Variants in KCNJ6 observed in about 807,000 individuals in gnomAD.
KCNJ6 encodes the protein G protein-activated inward rectifier potassium channel 2.
KCNJ6 carries 9 observed loss-of-function variants against 34.2 expected under a neutral mutation model. That is an observed-to-expected ratio of 0.26 (90% CI 0.16 to 0.46). The LOEUF is 0.46. KCNJ6 is among the 20% of genes least tolerant of loss of function. KCNJ6 has a pLI of 1.00. For missense variants in KCNJ6, 236 were observed against 531.3 expected (o/e 0.44, Z 5.46); for synonymous variants, 196 against 207.1 (o/e 0.95, Z 0.46).
chr21:37,740,515 G>C (rs57543347), intron 2 of KCNJ6, among the ~76,000 whole-genome samples: 11,308 of 152,158 alleles, frequency 0.074, 877 homozygotes, highest in African/African-American at 0.2. Flanking sequence ...CCCCTCCTTT[G>C]AGTTGTCCCG....
In KCNJ6 at chr21:37,619,060, G is replaced by A. The variant is rs1250275047; in HGVS notation, c.*6099C>T. On this transcript the variant is annotated 3_prime_UTR_variant, in exon 4 of 4. Coordinates refer to ENST00000609713, the MANE Select transcript of KCNJ6 (RefSeq NM_002240.5). ...AGATACCATTACCTACTTAGTTTCA[G>A]ACGCAGGATCAAATCCATCCTTTAT... 1 of 152,182 alleles carries A rather than the reference G, an allele frequency of 6.6e-6. No homozygotes were observed. The allele number at this position is 152,182 out of a possible 1,614,324, so 9.4% of individuals were successfully genotyped here. A position where few individuals can be genotyped will look rare whatever the true frequency, so the allele number is the denominator to read the frequency against.
At chr21:37,744,558 C>T (rs1264300342) in intron 2 of KCNJ6, among the ~76,000 whole-genome samples, 3 of 152,180 alleles carry the variant, frequency 2.0e-5, no homozygotes, top group Non-Finnish European at 4.4e-5. Context: ...ATTCCACAGC[C>T]TGTCCCCAAA....
chr21:37,655,606 A>G (rs918524355), intron 3 of KCNJ6, among the ~76,000 whole-genome samples: 8 of 152,168 alleles, frequency 5.3e-5, no homozygotes, highest in Non-Finnish European at 1.0e-4. Flanking sequence ...ATTCTTTGCA[A>G]AGTGAAAAGT....
intron 3 of KCNJ6, among the ~76,000 whole-genome samples, chr21:37,671,417 C>T (rs2054541808): frequency 6.6e-6 from 1 of 152,248 alleles, no homozygotes; most frequent in African/African-American, 2.4e-5. Context: ...TTCTCCCACA[C>T]TTTGCCCTGT....
At chr21:37,651,527 A>T (rs1301897880) in intron 3 of KCNJ6, among the ~76,000 whole-genome samples, 2 of 152,106 alleles carry the variant, frequency 1.3e-5, no homozygotes, top group Non-Finnish European at 2.9e-5. Flanking sequence ...TGGCGGGTAG[A>T]TTGGAGTGGT....
intron 2 of KCNJ6, among the ~76,000 whole-genome samples, chr21:37,794,905 T>C (rs1314065779): frequency 1.4e-5 from 2 of 146,524 alleles, no homozygotes; most frequent in South Asian, 2.2e-4. Context: ...AGAAAAAAAA[T>C]AGAAAAAGAA....
At chr21:37,657,799 G>A (rs963005952) in intron 3 of KCNJ6, among the ~76,000 whole-genome samples, 1 of 152,240 alleles carries the variant, frequency 6.6e-6, no homozygotes, top group African/African-American at 2.4e-5. Context: ...ACCCGCCCAG[G>A]CCACCCTCTG....
At chr21:37,672,722 CTCTT>C (rs1246424154) in intron 3 of KCNJ6, among the ~76,000 whole-genome samples, 1 of 152,044 alleles carries the variant, frequency 6.6e-6, no homozygotes, top group Non-Finnish European at 1.5e-5. Flanking sequence ...AGGTTTTTCT[CTCTT>C]TCTCTTTTTC....
chr21:37,900,698 G>A (rs1241318017), intron 1 of KCNJ6, among the ~76,000 whole-genome samples: 1 of 152,120 alleles, frequency 6.6e-6, no homozygotes, highest in Non-Finnish European at 1.5e-5. Context: ...CTGGGGAAAG[G>A]ACATCCAAGG....
At chr21:37,803,523 G>A (rs1312163687) in intron 2 of KCNJ6, among the ~76,000 whole-genome samples, 3 of 152,122 alleles carry the variant, frequency 2.0e-5, no homozygotes, top group Non-Finnish European at 4.4e-5. Flanking sequence ...TGGCTTAAAA[G>A]TCTCTTCTTA....
chr21:37,874,900 CCTCT>C (rs913418661), intron 1 of KCNJ6, among the ~76,000 whole-genome samples: 2 of 152,204 alleles, frequency 1.3e-5, no homozygotes, highest in African/African-American at 4.8e-5. Context: ...ACCTGACTGG[CCTCT>C]CTGTGTCCAC....
intron 2 of KCNJ6, among the ~76,000 whole-genome samples, chr21:37,756,510 C>G (rs528914496): frequency 6.6e-6 from 1 of 152,352 alleles, no homozygotes; most frequent in South Asian, 2.1e-4. Context: ...ATGCTGGTCT[C>G]CACCCTGGCC....
intron 2 of KCNJ6, among the ~76,000 whole-genome samples, chr21:37,818,203 T>TGC (rs1555847079): frequency 6.7e-5 from 5 of 74,870 alleles, no homozygotes; most frequent in East Asian, 6.4e-4. Context: ...CGTGTGTGTG[T>TGC]GTGCGTGCGT....
intron 1 of KCNJ6, among the ~76,000 whole-genome samples, chr21:37,890,371 G>A (rs1354631834): frequency 6.6e-6 from 1 of 152,184 alleles, no homozygotes; most frequent in East Asian, 1.9e-4. Flanking sequence ...GACTAGTGGG[G>A]ATTACGGGGA....
In KCNJ6 at chr21:37,613,263, C is replaced by A. The variant is rs561583042; in HGVS notation, c.*11896G>T. On this transcript the variant is annotated 3_prime_UTR_variant, in exon 4 of 4. Transcript: ENST00000609713. ...CACCACCGTACATCTTTTAGAATGG[C>A]CCAAATGCAGATCATTGACAACACT... 1 of 152,256 alleles carries A rather than the reference C, an allele frequency of 6.6e-6. No homozygotes were observed. The highest frequency in any genetic ancestry group is 2.1e-4 in the South Asian group (1 of 4,830). 9.4% of individuals were successfully genotyped at this position (152,256 alleles called of 1,614,324 possible).
At chr21:37,853,394 A>G (rs2055547071) in intron 1 of KCNJ6, among the ~76,000 whole-genome samples, 1 of 147,594 alleles carries the variant, frequency 6.8e-6, no homozygotes, top group Non-Finnish European at 1.5e-5. Context: ...ACCACTGGGA[A>G]AAAAAACATT....
chr21:37,703,539 T>C (rs2054702836), intron 3 of KCNJ6, among the ~76,000 whole-genome samples: 1 of 152,208 alleles, frequency 6.6e-6, no homozygotes, highest in Non-Finnish European at 1.5e-5. Flanking sequence ...ATAAAAAGAC[T>C]AAACATTTAT....
intron 2 of KCNJ6, among the ~76,000 whole-genome samples, chr21:37,794,805 T>G (rs562698830): frequency 6.6e-6 from 1 of 152,008 alleles, no homozygotes; most frequent in South Asian, 2.1e-4. Context: ...GATGATGGGT[T>G]GACAGGCAAA....
chr21:37,798,129 T>C (rs2055252114), intron 2 of KCNJ6, among the ~76,000 whole-genome samples: 1 of 152,210 alleles, frequency 6.6e-6, no homozygotes, highest in Admixed American at 6.5e-5. Flanking sequence ...AGAAAGTGCA[T>C]TTATTACAAG....
Sources: gnomAD v4.1 joint callset for allele counts (sites outside exome capture counted in the v4.1 genomes callset) on GRCh38, gnomAD v4.1.1 for gene constraint, MANE v1.5 for transcripts, NCBI Gene and HGNC (gene_info 2026-07-23, HGNC 2026-07-21) for gene names.